Variants in GBE1 observed in about 807,000 individuals in gnomAD.
GBE1 encodes the protein 1,4-alpha-glucan branching enzyme 1.
A neutral mutation model predicts 88.8 loss-of-function variants in GBE1; 70 were observed. That is an observed-to-expected ratio of 0.79 (90% CI 0.65 to 0.96). The LOEUF (loss-of-function observed/expected upper bound fraction) is 0.96, where lower values mean the gene tolerates loss of function less well. Ranked by LOEUF, GBE1 falls within the 40% of genes least tolerant of loss-of-function variation. The pLI is 0.00. For synonymous variants in GBE1, 284 were observed against 300.1 expected, an observed-to-expected ratio of 0.95 and a Z score of 0.56; for missense variants, 872 against 871.0, an observed-to-expected ratio of 1.00 and a Z score of -0.01.
intron 11 of GBE1, 88 bp downstream of exon 11, chr3:81,581,077 A>G (rs924037962): frequency 2.7e-6 from 2 of 735,324 alleles, no homozygotes; most frequent in Non-Finnish European, 4.6e-6. Flanking sequence ...ATATTTCGAT[A>G]TGTTTATATT....
chr3:81,610,438 T>C (rs143445627), intron 7 of GBE1, among the ~76,000 whole-genome samples: 1 of 152,340 alleles, frequency 6.6e-6, no homozygotes, highest in East Asian at 1.9e-4. Flanking sequence ...ACAAAAGGTC[T>C]ACATTTGTTT....
intron 7 of GBE1, among the ~76,000 whole-genome samples, chr3:81,622,136 T>C (rs1261023104): frequency 6.6e-6 from 1 of 152,230 alleles, no homozygotes; most frequent in Non-Finnish European, 1.5e-5. Flanking sequence ...AAAAGTTTTC[T>C]ACACTTGCTG....
At position 81,643,007 on chromosome 3, in the gene GBE1, C is replaced by T; in HGVS notation, c.783-17G>A. The T allele has an allele frequency of 1.9e-6, 3 of 1,548,840 alleles. No homozygotes were observed. The highest frequency in any genetic ancestry group is 2.7e-5 in the African/African-American group (2 of 73,516). Reference sequence around the variant, plus strand: ...CCATAACGGCTAACAATGAAGAACACAGCAAAAAGAAGATTACATCACATT... The same window carrying T: ...CCATAACGGCTAACAATGAAGAACATAGCAAAAAGAAGATTACATCACATT... On this transcript the variant is annotated splice_polypyrimidine_tract_variant and intron_variant, in intron 6 of 15. Transcript: ENST00000429644.
chr3:81,688,951 T>C (rs1381514031), intron 2 of GBE1, among the ~76,000 whole-genome samples: 1 of 152,126 alleles, frequency 6.6e-6, no homozygotes, highest in East Asian at 1.9e-4. Context: ...AGGAATATTC[T>C]AAAATGTTCA....
intron 7 of GBE1, among the ~76,000 whole-genome samples, chr3:81,617,218 CTTTT>C (rs1704260736): frequency 6.6e-6 from 1 of 151,636 alleles, no homozygotes; most frequent in Non-Finnish European, 1.5e-5. Context: ...ATTTTCTTTT[CTTTT>C]TATTTATTTT....
At chr3:81,710,442 A>C (rs1705847341) in intron 1 of GBE1, among the ~76,000 whole-genome samples, 1 of 151,182 alleles carries the variant, frequency 6.6e-6, no homozygotes, top group South Asian at 2.1e-4. Flanking sequence ...TAGCCTTATA[A>C]TTATATTTAA....
At chr3:81,574,403 C>T (rs1703617269) in intron 12 of GBE1, among the ~76,000 whole-genome samples, 1 of 152,130 alleles carries the variant, frequency 6.6e-6, no homozygotes, top group South Asian at 2.1e-4. Context: ...TCAAAACAAT[C>T]TGACGAAGCA....
chr3:81,495,068 A>T (rs548879342), intron 15 of GBE1, among the ~76,000 whole-genome samples: 19 of 152,342 alleles, frequency 1.2e-4, no homozygotes, highest in Non-Finnish European at 2.2e-4. Flanking sequence ...AATAGCACAT[A>T]CACATATAAT....
At chr3:81,499,681 T>C (rs1348060049) in intron 14 of GBE1, among the ~76,000 whole-genome samples, 1 of 152,176 alleles carries the variant, frequency 6.6e-6, no homozygotes, top group Admixed American at 6.6e-5. Context: ...ACTAAATACA[T>C]ACAGTCAGTC....
intron 14 of GBE1, among the ~76,000 whole-genome samples, chr3:81,514,013 G>C (rs1392129315): frequency 6.6e-6 from 1 of 151,648 alleles, no homozygotes; most frequent in Non-Finnish European, 1.5e-5. Flanking sequence ...TACCTCTGGA[G>C]ACCTTTGTTA....
chr3:81,761,285 C>G (rs1434533942), intron 1 of GBE1, 90 bp downstream of exon 1: 1 of 1,480,078 alleles, frequency 6.8e-7, no homozygotes, highest in African/African-American at 1.5e-5. Flanking sequence ...GGGGTTGGCG[C>G]GCGAGGGCCG....
At chr3:81,596,404 A>G (rs532438881) in intron 7 of GBE1, among the ~76,000 whole-genome samples, 1 of 152,032 alleles carries the variant, frequency 6.6e-6, no homozygotes, top group African/African-American at 2.4e-5. Flanking sequence ...ATCATTTAAC[A>G]TTAGGTATAT....
chr3:81,603,766 G>A (rs1030003824), intron 7 of GBE1, among the ~76,000 whole-genome samples: 13 of 152,062 alleles, frequency 8.5e-5, no homozygotes, highest in African/African-American at 3.1e-4. Flanking sequence ...AAAGTGCTGG[G>A]ATTACAGGCA....
chr3:81,731,761 T>C (rs1219919888), intron 1 of GBE1, among the ~76,000 whole-genome samples: 4 of 152,056 alleles, frequency 2.6e-5, no homozygotes, highest in Non-Finnish European at 5.9e-5. Flanking sequence ...GCCTCCTTCC[T>C]CTTCACCTTC....
chr3:81,702,490 C>G (rs1052316449), intron 2 of GBE1, among the ~76,000 whole-genome samples: 1 of 152,068 alleles, frequency 6.6e-6, no homozygotes, highest in African/African-American at 2.4e-5. Context: ...AATATACTGC[C>G]TGTCCTTAAC....
At chr3:81,625,068 T>A (rs1437823208) in intron 7 of GBE1, among the ~76,000 whole-genome samples, 1 of 129,078 alleles carries the variant, frequency 7.7e-6, no homozygotes, top group African/African-American at 3.0e-5. Flanking sequence ...TGCCTCAGAA[T>A]CCTGCCTGCT....
intron 13 of GBE1, among the ~76,000 whole-genome samples, chr3:81,536,351 T>A (rs1440340560): frequency 6.6e-6 from 1 of 151,958 alleles, no homozygotes; most frequent in Non-Finnish European, 1.5e-5. Context: ...CTGTATAAAA[T>A]TTTCACTTGT....
At chr3:81,748,882 C>T (rs1469117331) in intron 1 of GBE1, among the ~76,000 whole-genome samples, 4 of 151,506 alleles carry the variant, frequency 2.6e-5, no homozygotes, top group African/African-American at 9.7e-5. Context: ...TGGTGCGCAC[C>T]TGTAGTGCCA....
At chr3:81,665,241 T>C (rs1705094734) in intron 3 of GBE1, among the ~76,000 whole-genome samples, 1 of 152,018 alleles carries the variant, frequency 6.6e-6, no homozygotes, top group South Asian at 2.1e-4. Context: ...ATGTTAGACA[T>C]GAGATTTGTT....
Sources: gnomAD v4.1 joint callset for allele counts (sites outside exome capture counted in the v4.1 genomes callset) on GRCh38, gnomAD v4.1.1 for gene constraint, MANE v1.5 for transcripts, NCBI Gene and HGNC (gene_info 2026-07-23, HGNC 2026-07-21) for gene names.